IQCH: variants seen among roughly 807,000 people sequenced by gnomAD.
The protein encoded by IQCH is IQ domain-containing protein H.
Under a neutral mutation model 117.0 loss-of-function variants are expected in IQCH, and 98 were observed. The observed-to-expected ratio is 0.84, with a 90% CI of 0.71 to 0.99. The LOEUF (loss-of-function observed/expected upper bound fraction) is 0.99, where lower values mean the gene tolerates loss of function less well. Among genes scored for constraint, IQCH ranks in the 50% least tolerant of loss-of-function variants. The pLI, the probability that IQCH is intolerant of heterozygous loss-of-function variation, is 0.00. For synonymous variants in IQCH, 412 were observed against 448.2 expected (o/e 0.92, Z 1.02); for missense variants, 1,102 against 1,243.8 (o/e 0.89, Z 1.72).
At chr15:67,347,707 G>T (rs1005476080) in intron 6 of IQCH, among the ~76,000 whole-genome samples, 65 of 150,248 alleles carry the variant, frequency 4.3e-4, no homozygotes, top group African/African-American at 1.6e-3. Flanking sequence ...CACAACCAAA[G>T]ACTTTAGAAA....
intron 18 of IQCH, among the ~76,000 whole-genome samples, chr15:67,482,794 C>T (rs1199342640): frequency 6.6e-6 from 1 of 152,018 alleles, no homozygotes; most frequent in East Asian, 1.9e-4. Context: ...CTGAGTAGGG[C>T]AGTAATGGGG....
rs138020938 is a variant in IQCH, at chr15:67,329,755, C to G, written c.388-7220C>G. Among the ~76,000 whole-genome samples, 8 of 152,096 alleles carry G rather than the reference C, an allele frequency of 5.3e-5. No individual in the cohort carries two copies. The South Asian group carries it at 1.7e-3, about 32-fold the overall frequency. On this transcript the variant is annotated intron_variant, in intron 4 of 20. Coordinates refer to ENST00000335894, the MANE Select transcript of IQCH (RefSeq NM_001031715.3). ...AAGCACTGGGATTGCAGGCATGAGC[C>G]GCTGCACCTAGCCAAATTCTGGCTT...
Position 67,490,194 on chromosome 15 carries a change from T to G in IQCH, c.2861+130T>G. The G allele has an allele frequency of 1.4e-6, 1 of 728,540 alleles. No individual in the cohort carries two copies. The allele number at this position is 728,540 out of a possible 1,614,324, so 45.1% of individuals were successfully genotyped here. On this transcript the variant is annotated intron_variant, in intron 19 of 20. Coordinates refer to ENST00000335894, the MANE Select transcript of IQCH (RefSeq NM_001031715.3). This position sits in a 1 kb window ranked among gnomAD's most constrained non-coding sequence, Gnocchi z 4.9. ...TTAGAAGTCTATCTTTATTTAGATC[T>G]TCAGGTATTTTATTTTATTCTATTT... is the stretch of plus-strand genomic sequence containing the variant.
chr15:67,442,996 T>C (rs1171336792), intron 16 of IQCH, among the ~76,000 whole-genome samples: 1 of 151,746 alleles, frequency 6.6e-6, no homozygotes. Context: ...GAGACTGTTA[T>C]TCTTTTTTTT....
chr15:67,448,453 C>T (rs1199616092), intron 16 of IQCH, among the ~76,000 whole-genome samples: 1 of 148,430 alleles, frequency 6.7e-6, no homozygotes, highest in African/African-American at 2.5e-5. Flanking sequence ...CAATTCCCAC[C>T]TATGAGTGAG....
Position 67,321,128 on chromosome 15 carries a change from A to G in IQCH, c.388-15847A>G, listed in dbSNP as rs557312975. On this transcript the variant is annotated intron_variant, in intron 4 of 20. Transcript: ENST00000335894. Reference sequence around the variant, plus strand: ...TATTACATACTTTCCTTCATTAGTCACATTTTACCATAAGTTACTGTTTTT... The same window carrying G: ...TATTACATACTTTCCTTCATTAGTCGCATTTTACCATAAGTTACTGTTTTT... Among the ~76,000 whole-genome samples, 108 of 152,318 alleles carry G rather than the reference A, an allele frequency of 7.1e-4. 1 individual carries two copies. The highest frequency in any genetic ancestry group is 2.5e-3 in the African/African-American group (105 of 41,566).
intron 3 of IQCH, among the ~76,000 whole-genome samples, chr15:67,273,681 A>G (rs186970893): frequency 1.3e-5 from 2 of 152,332 alleles, no homozygotes; most frequent in African/African-American, 2.4e-5. Context: ...TATAGGCTTC[A>G]TACTTGAGTT....
Position 67,447,003 on chromosome 15 carries a change from C to T in IQCH, c.2506-18124C>T, listed in dbSNP as rs564878470. Among the ~76,000 whole-genome samples the T allele has an allele frequency of 2.9e-4, 44 of 152,262 alleles. No individual in the cohort carries two copies. Among genetic ancestry groups the T allele is most frequent in the Admixed American group, 1.0e-3 (16 of 15,308 alleles). On this transcript the variant is annotated intron_variant, in intron 16 of 20. Coordinates refer to ENST00000335894, the MANE Select transcript of IQCH (RefSeq NM_001031715.3). The surrounding 1 kb of genome is among the most constrained non-coding windows in gnomAD (Gnocchi z 5.3). ...CATTCTGCCAAGCATTTGTTTCCCT[C>T]GCCAGGCTGAGAGCAATCAACAGGG...
At chr15:67,326,150 T>A (rs536578911) in intron 4 of IQCH, among the ~76,000 whole-genome samples, 15 of 152,144 alleles carry the variant, frequency 9.9e-5, no homozygotes, top group Non-Finnish European at 2.1e-4. Context: ...TGGTGTGTGA[T>A]GTTCCCCTTC....
chr15:67,492,786 C>A (rs2083696797), intron 19 of IQCH, among the ~76,000 whole-genome samples: 1 of 152,098 alleles, frequency 6.6e-6, no homozygotes, highest in African/African-American at 2.4e-5. Flanking sequence ...AAGAGCAGTG[C>A]AGGTGGGTAC....
At chr15:67,483,181 A>G (rs2083384295) in intron 18 of IQCH, among the ~76,000 whole-genome samples, 2 of 152,188 alleles carry the variant, frequency 1.3e-5, no homozygotes, top group South Asian at 2.1e-4. Flanking sequence ...AGATATATAT[A>G]AAACAACTGC....
Position 67,500,649 on chromosome 15 carries a change from T to C in IQCH, c.2987T>C (p.Ile996Thr), listed in dbSNP as rs749047069. 11 of 1,564,652 alleles carry C rather than the reference T, an allele frequency of 7.0e-6. No homozygotes were observed. The highest frequency in any genetic ancestry group is 3.4e-5 in the South Asian group (3 of 88,758). The change falls in exon 21 of 21, where the codon ATT (isoleucine) becomes ACT (threonine). Residue 996 changes from isoleucine (I) to threonine (T), a missense_variant. This residue lies in a region of IQCH where 650 missense variants were observed against 794.3 expected (regional missense o/e 0.82). Coordinates refer to ENST00000335894, the MANE Select transcript of IQCH (RefSeq NM_001031715.3). This position sits in a 1 kb window ranked among gnomAD's most constrained non-coding sequence, Gnocchi z 4.4. ...ETNFKTTIADIETILRVTKEN... is the reference protein window; with the variant it reads ...ETNFKTTIADTETILRVTKEN... ...TATTTACAGACCACCATTGCTGATA[T>C]TGAAACTATTCTAAGAGTAACAAAG...
chr15:67,273,862 G>A (rs2140459961), intron 3 of IQCH, among the ~76,000 whole-genome samples: 1 of 152,234 alleles, frequency 6.6e-6, no homozygotes, highest in African/African-American at 2.4e-5. Flanking sequence ...GTCTGGTGGT[G>A]GTGAATTCAC....
At chr15:67,437,074 C>T (rs550075723) in intron 16 of IQCH, among the ~76,000 whole-genome samples, 1 of 152,192 alleles carries the variant, frequency 6.6e-6, no homozygotes, top group South Asian at 2.1e-4. Flanking sequence ...GAAAGCGCCA[C>T]GTCCTGGCAG....
At chr15:67,313,936 C>T (rs1306089859) in intron 4 of IQCH, among the ~76,000 whole-genome samples, 1 of 152,102 alleles carries the variant, frequency 6.6e-6, no homozygotes, top group Admixed American at 6.5e-5. Flanking sequence ...ACATTATCTC[C>T]TGAACTTGTT....
At position 67,411,659 on chromosome 15, in the gene IQCH, C is replaced by A. The variant is rs1325699477; in HGVS notation, c.2098-5272C>A. Among the ~76,000 whole-genome samples the A allele has an allele frequency of 4.6e-5, 7 of 152,158 alleles. No homozygotes were observed. Among genetic ancestry groups the A allele is most frequent in the Non-Finnish European group, 8.8e-5 (6 of 68,024 alleles). Reference sequence around the variant, plus strand: ...TGTGTGTATGTGTGTGTAATACACACACACAGAGGCACTCTTGGAATTTAC... The same window carrying A: ...TGTGTGTATGTGTGTGTAATACACAAACACAGAGGCACTCTTGGAATTTAC... On this transcript the variant is annotated intron_variant, in intron 14 of 20. Transcript: ENST00000335894. The surrounding 1 kb of genome is among the most constrained non-coding windows in gnomAD (Gnocchi z 4.4).
intron 3 of IQCH, among the ~76,000 whole-genome samples, chr15:67,271,130 G>A (rs929935008): frequency 2.0e-5 from 3 of 152,016 alleles, no homozygotes; most frequent in Non-Finnish European, 2.9e-5. Flanking sequence ...CACCGTGCCC[G>A]GCTAATTTTT....
In IQCH at chr15:67,400,255, A is replaced by C. The variant is rs1567156736; in HGVS notation, c.2047A>C (p.Lys683Gln). 2 of 1,613,722 alleles carry C rather than the reference A, an allele frequency of 1.2e-6. No individual in the cohort carries two copies. Among genetic ancestry groups the C allele is most frequent in the Non-Finnish European group, 1.7e-6 (2 of 1,179,726 alleles). Reference sequence around the variant, plus strand: ...CCTAAAGTGCTACAAATGGGTGCTAAAGGAGAGTAGCAGATATGGCCTTGA... The same window carrying C: ...CCTAAAGTGCTACAAATGGGTGCTACAGGAGAGTAGCAGATATGGCCTTGA... ...SYLKCYKWVLKESSRYGLEDW... is the reference protein window; with the variant it reads ...SYLKCYKWVLQESSRYGLEDW... The change falls in exon 14 of 21, where the codon AAG becomes CAG. Residue 683 changes from lysine (K) to glutamine (Q), a missense_variant. Lys to Gln is a moderately conservative substitution (Grantham distance 53). Coordinates refer to ENST00000335894, the MANE Select transcript of IQCH (RefSeq NM_001031715.3).
intron 4 of IQCH, among the ~76,000 whole-genome samples, chr15:67,303,417 A>G (rs895871462): frequency 1.3e-5 from 2 of 152,138 alleles, no homozygotes; most frequent in Non-Finnish European, 2.9e-5. Context: ...AAAGGGGTGA[A>G]TTTTATGGTA....
Sources: allele counts gnomAD v4.1 joint callset (sites outside exome capture counted in the v4.1 genomes callset), GRCh38; gene constraint gnomAD v4.1.1; regional missense constraint gnomAD v4.1.1; non-coding constraint Gnocchi (gnomAD v3.1); transcripts MANE v1.5; gene names NCBI Gene and HGNC (gene_info 2026-07-23, HGNC 2026-07-21).